The following SH3TC2 variants were observed in gnomAD, a reference collection of about 807,000 sequenced individuals.
The protein encoded by SH3TC2 is SH3 domain and tetratricopeptide repeats 2, also known as SH3 domain and tetratricopeptide repeat-containing protein 2.
A neutral mutation model predicts 124.5 loss-of-function variants in SH3TC2; 87 were observed. That is an observed-to-expected ratio of 0.70 (90% CI 0.59 to 0.84). The LOEUF is 0.84. Among genes scored for constraint, SH3TC2 ranks in the 40% least tolerant of loss-of-function variants. The probability of loss-of-function intolerance (pLI) is 0.00; values close to 1 mark genes in which losing one functional copy is unlikely to be tolerated. For missense variants in SH3TC2, 1,536 were observed against 1,566.4 expected (o/e 0.98, Z 0.33); for synonymous variants, 634 against 628.5 (o/e 1.01, Z -0.13).
intron 1 of SH3TC2, among the ~76,000 whole-genome samples, chr5:149,056,550 C>T (rs753651314): frequency 6.6e-6 from 1 of 152,136 alleles, no homozygotes; most frequent in African/African-American, 2.4e-5. Context: ...TCTACTTACT[C>T]TACCTTGAAA....
rs1448214210 is a variant in SH3TC2, at chr5:148,998,053, T to C, written c.*6658A>G. Among the ~76,000 whole-genome samples the C allele has an allele frequency of 6.6e-6, 1 of 152,220 alleles. No homozygotes were observed. The highest frequency in any genetic ancestry group is 1.5e-5 in the Non-Finnish European group (1 of 68,038). On this transcript the variant is annotated 3_prime_UTR_variant, in exon 17 of 17. Coordinates refer to ENST00000515425, the MANE Select transcript of SH3TC2 (RefSeq NM_024577.4). The stretch of plus-strand genomic sequence containing the variant: ...CCCTCCAGGTCAGCACTTTTCAAAC[T>C]ACAGGTTAATGAGTGAGAAATTCAT...
chr5:149,037,792 T>C (rs1754307230), intron 8 of SH3TC2, among the ~76,000 whole-genome samples: 1 of 152,160 alleles, frequency 6.6e-6, no homozygotes, highest in African/African-American at 2.4e-5. Flanking sequence ...CCTTTCTGGA[T>C]TCAAGGCAGA....
chr5:149,004,913 G>A lies in SH3TC2; in HGVS notation c.3676-11C>T. On this transcript the variant is annotated splice_polypyrimidine_tract_variant and intron_variant, in intron 16 of 16. Transcript: ENST00000515425. ...GGCATCATGGGCATCCTAACCCCGTGGTATGGGGGCAAAGAAGAGACAGCA... is the reference window on the plus strand; with the variant it reads ...GGCATCATGGGCATCCTAACCCCGTAGTATGGGGGCAAAGAAGAGACAGCA... 1 of 1,614,116 alleles carries A rather than the reference G, an allele frequency of 6.2e-7. No homozygotes were observed. Among genetic ancestry groups the A allele is most frequent in the Non-Finnish European group, 8.5e-7 (1 of 1,179,996 alleles).
chr5:149,000,146 A>G lies in SH3TC2; in HGVS notation c.*4565T>C, dbSNP rs114939284. Among the ~76,000 whole-genome samples, 486 of 152,182 alleles carry G rather than the reference A, an allele frequency of 3.2e-3. 6 individuals are homozygous for G. Among genetic ancestry groups the G allele is most frequent in the African/African-American group, 0.011 (463 of 41,508 alleles). On this transcript the variant is annotated 3_prime_UTR_variant, in exon 17 of 17. Transcript: ENST00000515425. ...CATCCTGTAACTAACACCAATCACA[A>G]TGCTTCTGATACTGAATCATATTAC...
chr5:149,029,367 C>T (rs1442736322), intron 9 of SH3TC2, among the ~76,000 whole-genome samples: 1 of 152,142 alleles, frequency 6.6e-6, no homozygotes, highest in Non-Finnish European at 1.5e-5. Flanking sequence ...ATCTGGAGTG[C>T]AGTTTTAGAC....
At position 148,986,498 on chromosome 5, in the gene SH3TC2, G is replaced by A. The variant is rs1753333732; in HGVS notation, c.*18213C>T. On this transcript the variant is annotated 3_prime_UTR_variant, in exon 17 of 17. Transcript: ENST00000515425. ...TTATCATAGCACTCATTTTTCTGCT[G>A]TTTCTCTGACCCTTTGTGAGTTAAG... Among the ~76,000 whole-genome samples, 1 of 152,170 alleles carries A rather than the reference G, an allele frequency of 6.6e-6. No individual in the cohort carries two copies. Among genetic ancestry groups the A allele is most frequent in the Admixed American group, 6.5e-5 (1 of 15,268 alleles).
At chr5:149,007,132 G>C (rs553748663) in intron 15 of SH3TC2, 55 bp from the exon 16 acceptor site, 23 of 1,554,778 alleles carry the variant, frequency 1.5e-5, no homozygotes, top group Non-Finnish European at 1.7e-5. Context: ...TGCATCATTT[G>C]TTCACTCATT....
intron 1 of SH3TC2, among the ~76,000 whole-genome samples, chr5:149,056,110 T>C (rs1444351873): frequency 6.6e-6 from 1 of 152,212 alleles, no homozygotes; most frequent in Non-Finnish European, 1.5e-5. Context: ...ACATTCTTTT[T>C]TTTTTAACTT....
chr5:149,043,696 A>G (rs972228284), intron 4 of SH3TC2: 1 of 144,770 alleles, frequency 6.9e-6, no homozygotes, highest in South Asian at 2.2e-4. Flanking sequence ...GAGCCGGTCT[A>G]TGGAGCACAG....
intron 3 of SH3TC2, 79 bp downstream of exon 3, chr5:149,047,783 G>T: frequency 6.3e-7 from 1 of 1,581,310 alleles, no homozygotes; most frequent in Non-Finnish European, 8.7e-7. Context: ...TGTTCCAGAT[G>T]CTGTCTTAGA....
Position 149,003,701 on chromosome 5 carries a change from C to T in SH3TC2, c.*1010G>A, listed in dbSNP as rs1436754394. 5.1e-6 allele frequency: 2 copies of T among 391,054 alleles called. No individual in the cohort carries two copies. Among genetic ancestry groups the T allele is most frequent in the African/African-American group, 2.1e-5 (1 of 47,152 alleles). 24.2% of individuals were successfully genotyped at this position (391,054 alleles called of 1,614,324 possible). A position where few individuals can be genotyped will look rare whatever the true frequency, so the allele number is the denominator to read the frequency against. On this transcript the variant is annotated 3_prime_UTR_variant, in exon 17 of 17. Coordinates refer to ENST00000515425, the MANE Select transcript of SH3TC2 (RefSeq NM_024577.4). ...CAGCTGCCCTGAAATCAATAAGATG[C>T]CTTGTAGTTGGGTATGGCACATGCC...
At chr5:149,044,256 G>T in intron 4 of SH3TC2, 1 of 398,842 alleles carries the variant, frequency 2.5e-6, no homozygotes, top group East Asian at 5.7e-5. Context: ...CTTAGTAGAT[G>T]ACCAATAACT....
At position 148,985,478 on chromosome 5, in the gene SH3TC2, T is replaced by C. The variant is rs1753318301; in HGVS notation, c.*19233A>G. On this transcript the variant is annotated 3_prime_UTR_variant, in exon 17 of 17. Coordinates refer to ENST00000515425, the MANE Select transcript of SH3TC2 (RefSeq NM_024577.4). Reference sequence around the variant, plus strand: ...TATACAGTATGTAGCATTTTAAGTCTGACTTCCTCTAATTAGCATAATGCA... The same window carrying C: ...TATACAGTATGTAGCATTTTAAGTCCGACTTCCTCTAATTAGCATAATGCA... Among the ~76,000 whole-genome samples, 1 of 152,232 alleles carries C rather than the reference T, an allele frequency of 6.6e-6. No homozygotes were observed. Among genetic ancestry groups the C allele is most frequent in the African/African-American group, 2.4e-5 (1 of 41,460 alleles).
At chr5:149,052,377 C>T (rs1226792414) in intron 1 of SH3TC2, 137 bp from the exon 2 acceptor site, 2 of 690,604 alleles carry the variant, frequency 2.9e-6, no homozygotes, top group Non-Finnish European at 5.3e-6. Flanking sequence ...TTGTTATCAC[C>T]ATTGCCTTGT....
At chr5:149,017,732 T>C (rs1004345222) in intron 12 of SH3TC2, among the ~76,000 whole-genome samples, 3 of 152,196 alleles carry the variant, frequency 2.0e-5, no homozygotes, top group African/African-American at 7.2e-5. Flanking sequence ...CTCCATACAA[T>C]TCTACAAGGT....
rs1753526868 is a variant in SH3TC2, at chr5:148,997,266, C to T, written c.*7445G>A. ...GATGTCCATAGTCTTCTACGATTGG[C>T]TCTGGAGTCTCTTGCAAGTTTCCCT... is the stretch of plus-strand genomic sequence containing the variant. On this transcript the variant is annotated 3_prime_UTR_variant, in exon 17 of 17. Coordinates refer to ENST00000515425, the MANE Select transcript of SH3TC2 (RefSeq NM_024577.4). Among the ~76,000 whole-genome samples the T allele has an allele frequency of 6.6e-6, 1 of 152,224 alleles. No homozygotes were observed. Among genetic ancestry groups the T allele is most frequent in the Admixed American group, 6.5e-5 (1 of 15,290 alleles).
intron 7 of SH3TC2, among the ~76,000 whole-genome samples, chr5:149,039,577 T>C (rs998289250): frequency 3.3e-5 from 5 of 152,256 alleles, no homozygotes; most frequent in Non-Finnish European, 5.9e-5. Flanking sequence ...CGATGGGATC[T>C]ACCATGTGTT....
intron 12 of SH3TC2, among the ~76,000 whole-genome samples, chr5:149,013,663 T>C (rs559709473): frequency 4.5e-4 from 68 of 152,260 alleles, no homozygotes; most frequent in African/African-American, 1.6e-3. Context: ...CTTTAATTAT[T>C]TGGAAAATTG....
intron 8 of SH3TC2, among the ~76,000 whole-genome samples, chr5:149,036,787 T>G (rs992098960): frequency 2.6e-5 from 4 of 152,182 alleles, no homozygotes; most frequent in African/African-American, 9.7e-5. Flanking sequence ...CCAGACCAGT[T>G]ACACAACAGC....
Sources: gnomAD v4.1 joint callset for allele counts (sites outside exome capture counted in the v4.1 genomes callset) on GRCh38, gnomAD v4.1.1 for gene constraint, MANE v1.5 for transcripts, NCBI Gene and HGNC (gene_info 2026-07-23, HGNC 2026-07-21) for gene names.